CDH8: variants seen among roughly 807,000 people sequenced by gnomAD.
The protein encoded by CDH8 is cadherin 8.
In CDH8, 17 loss-of-function variants were observed where a neutral mutation model predicts 68.1. That is an observed-to-expected ratio of 0.25 (90% CI 0.17 to 0.37). CDH8 has a LOEUF of 0.37. Among genes scored for constraint, CDH8 ranks in the 10% least tolerant of loss-of-function variants. The pLI is 1.00. For missense variants in CDH8, 763 were observed against 999.3 expected (o/e 0.76, Z 3.19); for synonymous variants, 372 against 365.1 (o/e 1.02, Z -0.21).
chr16:61,844,393 C>T (rs1054430821), intron 4 of CDH8, among the ~76,000 whole-genome samples: 11 of 151,984 alleles, frequency 7.2e-5, no homozygotes, highest in Admixed American at 3.3e-4. Context: ...AACAAACCTG[C>T]ACGTTGTGCA....
At chr16:62,002,995 T>C (rs1407235433) in intron 2 of CDH8, among the ~76,000 whole-genome samples, 2 of 151,884 alleles carry the variant, frequency 1.3e-5, no homozygotes, top group Non-Finnish European at 1.5e-5. Context: ...GAACTTGCAG[T>C]GAGCAGATAT....
chr16:61,658,124 A>G (rs767807247), intron 10 of CDH8, among the ~76,000 whole-genome samples: 7 of 151,840 alleles, frequency 4.6e-5, no homozygotes, highest in Non-Finnish European at 8.8e-5. Flanking sequence ...TGGTAATTGT[A>G]TTTGTTTTCA....
At chr16:61,764,108 T>A (rs972424555) in intron 8 of CDH8, among the ~76,000 whole-genome samples, 2 of 152,096 alleles carry the variant, frequency 1.3e-5, no homozygotes, top group Non-Finnish European at 2.9e-5. Flanking sequence ...AAATATGGCT[T>A]CTCTACTTTA....
intron 8 of CDH8, among the ~76,000 whole-genome samples, chr16:61,727,553 A>C (rs1177015017): frequency 2.0e-5 from 3 of 151,022 alleles, no homozygotes; most frequent in South Asian, 2.1e-4. Context: ...ACAAAAATGT[A>C]TCTCTTTTTT....
intron 2 of CDH8, among the ~76,000 whole-genome samples, chr16:61,946,191 A>T (rs1374335422): frequency 6.6e-6 from 1 of 152,102 alleles, no homozygotes; most frequent in Non-Finnish European, 1.5e-5. Flanking sequence ...ATGGCCAAAG[A>T]TCTACCCTGC....
intron 2 of CDH8, among the ~76,000 whole-genome samples, chr16:61,945,384 C>G (rs1964785484): frequency 6.6e-6 from 1 of 150,892 alleles, no homozygotes; most frequent in South Asian, 2.1e-4. Context: ...GATACTCAAG[C>G]CTCAATCAGT....
At chr16:61,901,687 G>A (rs1963976210) in intron 2 of CDH8, among the ~76,000 whole-genome samples, 1 of 152,202 alleles carries the variant, frequency 6.6e-6, no homozygotes, top group Non-Finnish European at 1.5e-5. Flanking sequence ...TCCTTAAAAA[G>A]TACTCTGGCC....
intron 2 of CDH8, among the ~76,000 whole-genome samples, chr16:61,920,444 G>C (rs983866158): frequency 1.3e-5 from 2 of 149,042 alleles, no homozygotes; most frequent in Non-Finnish European, 3.0e-5. Context: ...GTGGGCGAAG[G>C]GCATGAACAG....
intron 3 of CDH8, among the ~76,000 whole-genome samples, chr16:61,884,891 T>C (rs1270555283): frequency 6.6e-6 from 1 of 152,120 alleles, no homozygotes; most frequent in Non-Finnish European, 1.5e-5. Context: ...CCCTAACCCC[T>C]GCATTGTTCA....
At chr16:61,831,979 T>C (rs1241968230) in intron 4 of CDH8, among the ~76,000 whole-genome samples, 1 of 151,734 alleles carries the variant, frequency 6.6e-6, no homozygotes, top group Admixed American at 6.6e-5. Flanking sequence ...TGAGGTTAAG[T>C]GGTAAAAGGC....
intron 1 of CDH8, among the ~76,000 whole-genome samples, chr16:62,024,710 A>C (rs985819726): frequency 1.1e-4 from 16 of 152,230 alleles, no homozygotes; most frequent in African/African-American, 3.9e-4. Flanking sequence ...CACTAACACA[A>C]TATCTTACTG....
intron 10 of CDH8, among the ~76,000 whole-genome samples, chr16:61,695,820 GT>G (rs892206934): frequency 1.3e-5 from 2 of 152,120 alleles, no homozygotes; most frequent in Non-Finnish European, 2.9e-5. Context: ...AGTTTTTAGA[GT>G]TTTTTTAACT....
At chr16:61,855,791 A>G (rs1473096326) in intron 4 of CDH8, among the ~76,000 whole-genome samples, 1 of 152,128 alleles carries the variant, frequency 6.6e-6, no homozygotes, top group Non-Finnish European at 1.5e-5. Context: ...CACCTCTGCT[A>G]TGAACTCTGC....
chr16:61,973,479 G>A (rs1021337698), intron 2 of CDH8, among the ~76,000 whole-genome samples: 2 of 152,270 alleles, frequency 1.3e-5, no homozygotes, highest in African/African-American at 2.4e-5. Flanking sequence ...CATTGTGTGA[G>A]GGTCTATGCC....
intron 2 of CDH8, among the ~76,000 whole-genome samples, chr16:61,959,984 G>GTATGTATATATA (rs1555524808): frequency 2.2e-5 from 1 of 44,556 alleles, no homozygotes; most frequent in Non-Finnish European, 4.0e-5. Flanking sequence ...GTGTGTGTGT[G>GTATGTATATATA]TATATATATA....
intron 2 of CDH8, among the ~76,000 whole-genome samples, chr16:61,984,062 C>T (rs970932109): frequency 1.3e-5 from 2 of 151,936 alleles, no homozygotes; most frequent in African/African-American, 2.4e-5. Flanking sequence ...GGACTGCAGG[C>T]GTGAGCCCAC....
At chr16:61,657,666 G>T (rs1005445335) in intron 10 of CDH8, among the ~76,000 whole-genome samples, 8 of 152,070 alleles carry the variant, frequency 5.3e-5, no homozygotes, top group Admixed American at 1.3e-4. Context: ...AACATTTCTG[G>T]ATGGTTTTAT....
At chr16:61,857,871 A>G (rs1026300481) in intron 3 of CDH8, among the ~76,000 whole-genome samples, 20 of 152,266 alleles carry the variant, frequency 1.3e-4, no homozygotes, top group Admixed American at 9.8e-4. Context: ...ATATAAAAAT[A>G]TAGGGGAAAT....
In CDH8 at chr16:61,897,867, C is replaced by T. The variant is rs182748395; in HGVS notation, c.547+3312G>A. 9.7e-4 allele frequency among the ~76,000 whole-genome samples: 147 copies of T among 152,116 alleles called. 1 individual carries two copies. Among genetic ancestry groups the T allele is most frequent in the East Asian group, 3.1e-3 (16 of 5,182 alleles). ...TCCTGTTTGTAAGTCAGAAGCCAAA[C>T]GAAGTGAAAAGATGGAGGTGTTTTT... On this transcript the variant is annotated intron_variant, in intron 3 of 11. Coordinates refer to ENST00000577390, the MANE Select transcript of CDH8 (RefSeq NM_001796.5).
Sources: gnomAD v4.1 joint callset for allele counts (sites outside exome capture counted in the v4.1 genomes callset) on GRCh38, gnomAD v4.1.1 for gene constraint, MANE v1.5 for transcripts, NCBI Gene and HGNC (gene_info 2026-07-23, HGNC 2026-07-21) for gene names.